Variants in APC observed in about 807,000 individuals in gnomAD.
APC encodes the protein APC regulator of Wnt signaling pathway.
A neutral mutation model predicts 247.0 loss-of-function variants in APC; 72 were observed. That is an observed-to-expected ratio of 0.29 (90% CI 0.24 to 0.35). APC has a LOEUF of 0.35. APC is among the 10% of genes least tolerant of loss of function. The pLI is 1.00. For missense variants in APC, 3,400 were observed against 3,360.7 expected, an observed-to-expected ratio of 1.01 and a Z score of -0.29; for synonymous variants, 1,254 against 1,162.5, an observed-to-expected ratio of 1.08 and a Z score of -1.60.
At position 112,843,783 on chromosome 5, in the gene APC, C is replaced by A. The variant is rs976132108; in HGVS notation, c.8189C>A (p.Ala2730Asp). ...NRLNSFIQVDAPDQKGTEIKP... is the reference protein window; with the variant it reads ...NRLNSFIQVDDPDQKGTEIKP... ...CTGAACTCCTTTATTCAGGTGGATG[C>A]CCCTGACCAAAAAGGAACTGAGATA... is the stretch of plus-strand genomic sequence containing the variant. Residue 2730 changes from alanine (A) to aspartate (D), a missense_variant, in exon 16 of 16, where the codon GCC (alanine) becomes GAC (aspartate). Ala to Asp is a moderately radical substitution (Grantham distance 126). Coordinates refer to ENST00000257430, the MANE Select transcript of APC (RefSeq NM_000038.6). The surrounding 1 kb of genome is among the most constrained non-coding windows in gnomAD (Gnocchi z 4.8). 6.2e-7 allele frequency: 1 copy of A among 1,613,788 alleles called. No homozygotes were observed. Among genetic ancestry groups the A allele is most frequent in the African/African-American group, 1.3e-5 (1 of 74,868 alleles).
chr5:112,741,795 C>T (rs1753060837), intron 1 of APC, among the ~76,000 whole-genome samples: 1 of 152,002 alleles, frequency 6.6e-6, no homozygotes, highest in Non-Finnish European at 1.5e-5. Flanking sequence ...CTCCCCCCAA[C>T]CCTTGGCAAC....
chr5:112,800,586 G>T (rs1760711034), intron 7 of APC, among the ~76,000 whole-genome samples: 2 of 152,098 alleles, frequency 1.3e-5, no homozygotes, highest in South Asian at 4.2e-4. Context: ...CAAGCATATA[G>T]GTGTTTCTAT....
chr5:112,735,256 A>C (rs898159317), upstream of APC, among the ~76,000 whole-genome samples: 1 of 152,002 alleles, frequency 6.6e-6, no homozygotes, highest in African/African-American at 2.4e-5. Context: ...GCTCACTGCA[A>C]CCTCTGCCTC....
intron 14 of APC, among the ~76,000 whole-genome samples, chr5:112,832,277 C>T (rs1258307556): frequency 1.1e-4 from 16 of 152,072 alleles, no homozygotes; most frequent in African/African-American, 3.9e-4. Context: ...TTAATTCAGT[C>T]CTTTAAATTC....
intron 6 of APC, among the ~76,000 whole-genome samples, chr5:112,786,558 A>G (rs1758971223): frequency 6.6e-6 from 1 of 152,164 alleles, no homozygotes; most frequent in African/African-American, 2.4e-5. Flanking sequence ...GGATGTGGGA[A>G]TTGGTGGGGT....
At chr5:112,709,682 G>A (rs1332472762) in intron 1 of APC, among the ~76,000 whole-genome samples, 1 of 152,096 alleles carries the variant, frequency 6.6e-6, no homozygotes, top group East Asian at 1.9e-4. Context: ...CGCATGGATC[G>A]CATGAGTCCA....
chr5:112,734,949 A>G (rs1752297214), upstream of APC, among the ~76,000 whole-genome samples: 1 of 151,892 alleles, frequency 6.6e-6, no homozygotes, highest in South Asian at 2.1e-4. Context: ...TAAGACATTA[A>G]GAATCCTATT....
upstream of APC, among the ~76,000 whole-genome samples, chr5:112,737,094 G>A (rs990224356): frequency 1.3e-5 from 2 of 152,138 alleles, no homozygotes; most frequent in African/African-American, 4.8e-5. Flanking sequence ...CGATTTAAAT[G>A]CAATGTAGAA....
At chr5:112,750,679 C>A (rs536490567) in intron 1 of APC, among the ~76,000 whole-genome samples, 2 of 152,214 alleles carry the variant, frequency 1.3e-5, no homozygotes, top group South Asian at 4.1e-4. Context: ...AGTCTAGTAA[C>A]GGACATCATT....
chr5:112,747,090 A>G (rs1753768536), intron 1 of APC, among the ~76,000 whole-genome samples: 1 of 152,180 alleles, frequency 6.6e-6, no homozygotes, highest in African/African-American at 2.4e-5. Flanking sequence ...CAGCCTTCCA[A>G]AGTGCTTGGA....
intron 8 of APC, among the ~76,000 whole-genome samples, chr5:112,813,376 C>A (rs923143917): frequency 6.6e-6 from 1 of 152,042 alleles, no homozygotes; most frequent in African/African-American, 2.4e-5. Flanking sequence ...TTCTAAGCAG[C>A]CCTCATAAAA....
At chr5:112,728,107 T>C (rs1220321175) in intron 1 of APC, among the ~76,000 whole-genome samples, 2 of 151,870 alleles carry the variant, frequency 1.3e-5, no homozygotes, top group African/African-American at 4.8e-5. Context: ...GCTCATCAGC[T>C]GTCGATAGTG....
rs749283794 is a variant in APC, at chr5:112,843,048, G to C, written c.7454G>C (p.Ser2485Thr). Residue 2485 changes from serine (S) to threonine (T), a missense_variant, in exon 16 of 16, where the codon AGT becomes ACT. Transcript: ENST00000257430. The surrounding 1 kb of genome is among the most constrained non-coding windows in gnomAD (Gnocchi z 4.8). Reference sequence around the variant, plus strand: ...TCCCAGGCACAAACTCCAGTTTTAAGTCCTTCCCTTCCTGATATGTCTCTA... The same window carrying C: ...TCCCAGGCACAAACTCCAGTTTTAACTCCTTCCCTTCCTGATATGTCTCTA... The part of the protein sequence containing the change: ...TRSQAQTPVL[S>T]PSLPDMSLST... The C allele has an allele frequency of 6.2e-7, 1 of 1,613,944 alleles. No homozygotes were observed. The highest frequency in any genetic ancestry group is 8.5e-7 in the Non-Finnish European group (1 of 1,179,840).
intron 8 of APC, among the ~76,000 whole-genome samples, chr5:112,812,604 C>A (rs1762096914): frequency 6.6e-6 from 1 of 152,196 alleles, no homozygotes; most frequent in African/African-American, 2.4e-5. Flanking sequence ...AATTACTCCT[C>A]ATGGTTCAAG....
intron 1 of APC, among the ~76,000 whole-genome samples, chr5:112,753,719 T>C (rs965123866): frequency 1.3e-5 from 2 of 152,086 alleles, no homozygotes; most frequent in South Asian, 2.1e-4. Context: ...TTTGGTAGAG[T>C]CTTCCAATTG....
upstream of APC, among the ~76,000 whole-genome samples, chr5:112,734,991 C>A (rs372818984): frequency 5.5e-4 from 83 of 151,644 alleles, no homozygotes; most frequent in South Asian, 0.017. Flanking sequence ...TTTGTAGCTG[C>A]AGAAGGTTCA....
At chr5:112,734,159 C>T (rs373322516), upstream of APC, among the ~76,000 whole-genome samples, 129 of 152,296 alleles carry the variant, frequency 8.5e-4, no homozygotes, top group African/African-American at 2.8e-3. Flanking sequence ...TGCCACTGCA[C>T]TCCAGCCTGG....
chr5:112,774,756 C>G (rs1009636264), intron 4 of APC, among the ~76,000 whole-genome samples: 4 of 151,848 alleles, frequency 2.6e-5, no homozygotes, highest in African/African-American at 9.7e-5. Context: ...GCATTACAGG[C>G]ATGTGCCACC....
intron 12 of APC, 114 bp from the exon 13 acceptor site, chr5:112,827,815 C>A: frequency 1.3e-6 from 1 of 788,464 alleles, no homozygotes; most frequent in Non-Finnish European, 2.2e-6. Context: ...AGTGAAGTAT[C>A]AGTTATGATT....
Sources: gnomAD v4.1 joint callset for allele counts (sites outside exome capture counted in the v4.1 genomes callset) on GRCh38, gnomAD v4.1.1 for gene constraint, Gnocchi (gnomAD v3.1) non-coding constraint, MANE v1.5 for transcripts, NCBI Gene and HGNC (gene_info 2026-07-23, HGNC 2026-07-21) for gene names.